The following CACNA1C variants were observed in gnomAD, a reference collection of about 807,000 sequenced individuals.
CACNA1C encodes voltage-dependent L-type calcium channel subunit alpha-1C.
A neutral mutation model predicts 229.0 loss-of-function variants in CACNA1C; 30 were observed. That is an observed-to-expected ratio of 0.13 (90% CI 0.10 to 0.18). The LOEUF is 0.18. CACNA1C is among the 10% of genes least tolerant of loss of function. The pLI is 1.00. For missense variants in CACNA1C, 1,658 were observed against 2,845.0 expected, an observed-to-expected ratio of 0.58 and a Z score of 9.49; for synonymous variants, 1,114 against 1,132.5, an observed-to-expected ratio of 0.98 and a Z score of 0.33.
At position 2,274,744 on chromosome 12, in the gene CACNA1C, T is replaced by C. The variant is rs142589706; in HGVS notation, c.477+154314T>C. On this transcript the variant is annotated intron_variant, in intron 3 of 46. Coordinates refer to ENST00000399655, the MANE Select transcript of CACNA1C (RefSeq NM_000719.7). ...GGGATTTACACCTAGGGCTGTCTGA[T>C]TCCGAAGCTGGGCTCTTTCCACGGT... Among the ~76,000 whole-genome samples, 756 of 152,348 alleles carry C rather than the reference T, an allele frequency of 5.0e-3. 3 individuals carry two copies. Among genetic ancestry groups the C allele is most frequent in the Non-Finnish European group, 7.9e-3 (540 of 68,034 alleles).
At position 2,694,277 on chromosome 12, in the gene CACNA1C, C is replaced by T. The variant is rs1394627252; in HGVS notation, c.*3078C>T. On this transcript the variant is annotated 3_prime_UTR_variant, in exon 47 of 47. Coordinates refer to ENST00000399655, the MANE Select transcript of CACNA1C (RefSeq NM_000719.7). ...CACAATCTTCCAAGTGATGTCTACT[C>T]TCCACCTAAAATGGAATTTTCCCCA... is the stretch of plus-strand genomic sequence containing the variant. The T allele has an allele frequency of 6.6e-6, 1 of 152,276 alleles. No individual in the cohort carries two copies. Among genetic ancestry groups the T allele is most frequent in the Admixed American group, 6.5e-5 (1 of 15,292 alleles). 9.4% of individuals were successfully genotyped at this position (152,276 alleles called of 1,614,324 possible).
In CACNA1C at chr12:2,054,340, T is replaced by C. The variant is rs576951755; in HGVS notation, c.49+729T>C. On this transcript the variant is annotated intron_variant, in intron 1 of 46. Coordinates refer to ENST00000399655, the MANE Select transcript of CACNA1C (RefSeq NM_000719.7). This position sits in a 1 kb window ranked among gnomAD's most constrained non-coding sequence, Gnocchi z 5.5. ...GCGTGTGTTCTCATTCGCACCCACA[T>C]GTGGGCTAGCACCTGAGGATGGAAG... Among the ~76,000 whole-genome samples, 1 of 152,134 alleles carries C rather than the reference T, an allele frequency of 6.6e-6. No homozygotes were observed. Among genetic ancestry groups the C allele is most frequent in the Non-Finnish European group, 1.5e-5 (1 of 68,014 alleles).
At chr12:2,485,974 C>T in intron 5 of CACNA1C, 130 bp from the exon 6 acceptor site, 1 of 673,064 alleles carries the variant, frequency 1.5e-6, no homozygotes, top group Non-Finnish European at 2.4e-6. Flanking sequence ...TGGCTCTGAG[C>T]CTCAGTCTTC....
chr12:2,677,384 G>T lies in CACNA1C; in HGVS notation c.4956+163G>T. 1.3e-6 allele frequency: 1 copy of T among 766,166 alleles called. No homozygotes were observed. The highest frequency in any genetic ancestry group is 2.9e-5 in the Admixed American group (1 of 34,224). 47.5% of individuals were successfully genotyped at this position (766,166 alleles called of 1,614,324 possible). A position where few individuals can be genotyped will look rare whatever the true frequency, so the allele number is the denominator to read the frequency against. ...TTTCCAAAGATGGCTGTGAGAAGGG[G>T]GTGATGTGCCCTTCCCTACCTGCCA... On this transcript the variant is annotated intron_variant, in intron 40 of 46. Coordinates refer to ENST00000399655, the MANE Select transcript of CACNA1C (RefSeq NM_000719.7). This position sits in a 1 kb window ranked among gnomAD's most constrained non-coding sequence, Gnocchi z 7.4.
At chr12:2,655,679 C>T (rs1028712963) in intron 34 of CACNA1C, among the ~76,000 whole-genome samples, 1 of 152,182 alleles carries the variant, frequency 6.6e-6, no homozygotes, top group South Asian at 2.1e-4. Flanking sequence ...ATGCACTGGG[C>T]GTCATCCTCA....
intron 1 of CACNA1C, chr12:1,991,316 A>G: frequency 2.3e-6 from 1 of 439,036 alleles, no homozygotes; most frequent in Non-Finnish European, 4.6e-6. Flanking sequence ...ATAAATGAAA[A>G]TCATTATAAA....
At chr12:2,209,168 A>G (rs2097847525) in intron 3 of CACNA1C, among the ~76,000 whole-genome samples, 2 of 152,238 alleles carry the variant, frequency 1.3e-5, no homozygotes, top group Admixed American at 1.3e-4. Context: ...CGAGTCACAC[A>G]GTACCACAGT....
At chr12:2,204,406 C>T (rs1404077529) in intron 3 of CACNA1C, among the ~76,000 whole-genome samples, 4 of 151,982 alleles carry the variant, frequency 2.6e-5, no homozygotes, top group Admixed American at 6.6e-5. Flanking sequence ...GGATCTAGAC[C>T]TAGAAATACC....
chr12:2,262,782 A>G (rs1477322997), intron 3 of CACNA1C, among the ~76,000 whole-genome samples: 2 of 152,216 alleles, frequency 1.3e-5, no homozygotes, highest in Non-Finnish European at 2.9e-5. Flanking sequence ...AGATGTGAAA[A>G]GTGCTCCTTG....
intron 4 of CACNA1C, among the ~76,000 whole-genome samples, chr12:2,450,370 CG>C (rs1429410033): frequency 2.5e-4 from 38 of 151,128 alleles, no homozygotes; most frequent in East Asian, 2.4e-3. Context: ...CTGGCTAACA[CG>C]GTGAAACCCC....
intron 3 of CACNA1C, among the ~76,000 whole-genome samples, chr12:2,276,817 G>A (rs1424446180): frequency 4.6e-5 from 7 of 152,138 alleles, no homozygotes; most frequent in Admixed American, 6.5e-5. Flanking sequence ...TTGGGATGAC[G>A]GAGGGTGGGG....
intron 9 of CACNA1C, among the ~76,000 whole-genome samples, chr12:2,532,506 A>G (rs892044515): frequency 6.6e-6 from 1 of 152,144 alleles, no homozygotes; most frequent in African/African-American, 2.4e-5. Flanking sequence ...TTCACCATCC[A>G]GGTAGTTGTT....
chr12:2,163,683 G>A (rs919596293), intron 3 of CACNA1C, among the ~76,000 whole-genome samples: 1 of 152,196 alleles, frequency 6.6e-6, no homozygotes, highest in Non-Finnish European at 1.5e-5. Context: ...CCATGGCTGA[G>A]TCAGGCCCTC....
intron 3 of CACNA1C, among the ~76,000 whole-genome samples, chr12:2,442,793 A>G (rs2099241907): frequency 6.6e-6 from 1 of 152,180 alleles, no homozygotes; most frequent in African/African-American, 2.4e-5. Context: ...ACAGAGCAAG[A>G]GAGAGAATGG....
chr12:2,616,130 C>G (rs548715120), intron 29 of CACNA1C, among the ~76,000 whole-genome samples: 1 of 152,200 alleles, frequency 6.6e-6, no homozygotes, highest in African/African-American at 2.4e-5. Context: ...TGGCTTTCCC[C>G]CAGCCTGAGA....
intron 3 of CACNA1C, among the ~76,000 whole-genome samples, chr12:2,174,989 T>G (rs2096604874): frequency 6.6e-6 from 1 of 152,162 alleles, no homozygotes; most frequent in South Asian, 2.1e-4. Flanking sequence ...CGGCTAGGTC[T>G]TGCCATCTCG....
chr12:2,493,080 T>G lies in CACNA1C; in HGVS notation c.917-110T>G, dbSNP rs531223260. The G allele has an allele frequency of 8.2e-4, 693 of 844,986 alleles. 1 individual carries two copies. The highest frequency in any genetic ancestry group is 1.1e-3 in the Non-Finnish European group (586 of 522,332). The allele number at this position is 844,986 out of a possible 1,614,324, so 52.3% of individuals were successfully genotyped here. ...TTGCGCTGTTGTTGCCATGGTTGCTTTGCCCATCCCATCAACCTCATCCTG... is the reference window on the plus strand; with the variant it reads ...TTGCGCTGTTGTTGCCATGGTTGCTGTGCCCATCCCATCAACCTCATCCTG... On this transcript the variant is annotated intron_variant, in intron 6 of 46. Coordinates refer to ENST00000399655, the MANE Select transcript of CACNA1C (RefSeq NM_000719.7). This position sits in a 1 kb window ranked among gnomAD's most constrained non-coding sequence, Gnocchi z 4.6.
At chr12:2,162,072 G>A (rs7974565) in intron 3 of CACNA1C, among the ~76,000 whole-genome samples, 5,657 of 152,204 alleles carry the variant, frequency 0.037, 342 homozygotes, top group African/African-American at 0.13. Flanking sequence ...TAGGAATGGG[G>A]ATAAAAATGC....
In CACNA1C at chr12:2,581,659, C is replaced by G. The variant is rs775843731; in HGVS notation, c.1965C>G (p.Leu655=). 1.1e-5 allele frequency: 18 copies of G among 1,607,690 alleles called. No homozygotes were observed. Among genetic ancestry groups the G allele is most frequent in the Middle Eastern group, 3.3e-4 (2 of 6,056 alleles). The part of the protein sequence containing the change: ...LNSVRSIASL[L]LLLFLFIIIF... Reference sequence around the variant, plus strand: ...CTGTGCGCTCCATCGCCTCCCTGCTCCTTCTCCTCTTCCTCTTCATCATCA... The same window carrying G: ...CTGTGCGCTCCATCGCCTCCCTGCTGCTTCTCCTCTTCCTCTTCATCATCA... The change falls in exon 14 of 47, where the codon CTC becomes CTG. Residue 655 remains leucine (L), a synonymous_variant. Transcript: ENST00000399655.
Sources: gnomAD v4.1 joint callset for allele counts (sites outside exome capture counted in the v4.1 genomes callset) on GRCh38, gnomAD v4.1.1 for gene constraint, Gnocchi (gnomAD v3.1) non-coding constraint, MANE v1.5 for transcripts, NCBI Gene and HGNC (gene_info 2026-07-23, HGNC 2026-07-21) for gene names.